Variants in ANK2 observed in about 807,000 individuals in gnomAD.
ANK2 encodes ankyrin-2.
A neutral mutation model predicts 360.5 loss-of-function variants in ANK2; 83 were observed. The ratio of observed to expected loss-of-function variants is 0.23; its 90% CI spans 0.19 to 0.28. ANK2 has a LOEUF of 0.28. Among genes scored for constraint, ANK2 ranks in the 10% least tolerant of loss-of-function variants. The probability of loss-of-function intolerance (pLI) is 1.00; values close to 1 mark genes in which losing one functional copy is unlikely to be tolerated. For missense variants in ANK2, 4,201 were observed against 4,795.7 expected (o/e 0.88, Z 3.66); for synonymous variants, 1,740 against 1,759.5 (o/e 0.99, Z 0.28).
rs1261091945 is a variant in ANK2 at position 113,335,883 on chromosome 4, C to A, written c.3417C>A (p.Ile1139=). 1 of 1,614,196 alleles carries A rather than the reference C, an allele frequency of 6.2e-7. No individual in the cohort carries two copies. Among genetic ancestry groups the A allele is most frequent in the Non-Finnish European group, 8.5e-7 (1 of 1,180,026 alleles). Residue 1139 remains isoleucine (I), a synonymous_variant, in exon 30 of 46, where the codon ATC becomes ATA. Coordinates refer to ENST00000357077, the MANE Select transcript of ANK2 (RefSeq NM_001148.6). ...CAGAAGACCTAGAAAAGAAACGAAT[C>A]TGCCGCATCATCACCCGAGACTTCC... The part of the protein sequence containing the change: ...DSPEDLEKKR[I]CRIITRDFPQ...
At chr4:112,781,521 C>T in the ANK2 span, among the ~76,000 whole-genome samples, 1 of 152,042 alleles carries the variant, frequency 6.6e-6, no homozygotes, top group African/African-American at 2.4e-5. Context: ...CAGAAATAAG[C>T]TCATATTCTT....
chr4:113,203,833 T>C (rs2098896974), intron 4 of ANK2, among the ~76,000 whole-genome samples: 1 of 152,222 alleles, frequency 6.6e-6, no homozygotes, highest in South Asian at 2.1e-4. Flanking sequence ...GTAACAGTTC[T>C]ACCTTCTCTA....
chr4:113,085,310 C>T (rs1177301204), intron 1 of ANK2, among the ~76,000 whole-genome samples: 2 of 151,688 alleles, frequency 1.3e-5, no homozygotes, highest in African/African-American at 4.8e-5. Flanking sequence ...AAGACTTTTT[C>T]TTTTCTTTTT....
chr4:112,967,562 C>T (rs1353900960), intron 2 of ANK2, among the ~76,000 whole-genome samples: 4 of 152,072 alleles, frequency 2.6e-5, no homozygotes, highest in Non-Finnish European at 5.9e-5. Context: ...AAAAGGGTTA[C>T]TGAAATGATG....
At chr4:112,984,414 GA>G (rs2044165181) in intron 2 of ANK2, among the ~76,000 whole-genome samples, 1 of 152,212 alleles carries the variant, frequency 6.6e-6, no homozygotes, top group African/African-American at 2.4e-5. Context: ...CAAAGAGAGA[GA>G]GCTTGTGCAG....
At position 113,090,824 on chromosome 4, in the gene ANK2, A is replaced by T. The variant is rs77815020; in HGVS notation, c.84+41012A>T. 2.0e-5 allele frequency among the ~76,000 whole-genome samples: 3 copies of T among 152,218 alleles called. No homozygotes were observed. The East Asian group carries it at 5.8e-4, about 29-fold the overall frequency. The stretch of plus-strand genomic sequence containing the variant: ...GAATAGAAGTTACCCTCGTTAGACG[A>T]GGCACATGCAACCTGGTTACCATTA... On this transcript the variant is annotated intron_variant, in intron 1 of 45. Coordinates refer to ENST00000357077, the MANE Select transcript of ANK2 (RefSeq NM_001148.6).
intron 1 of ANK2, among the ~76,000 whole-genome samples, chr4:112,888,907 C>G (rs1007433803): frequency 6.6e-6 from 1 of 152,074 alleles, no homozygotes; most frequent in South Asian, 2.1e-4. Flanking sequence ...AATGCTGACC[C>G]GAGTACACAG....
upstream of ANK2, among the ~76,000 whole-genome samples, chr4:112,816,997 C>A (rs2055707155): frequency 6.6e-6 from 1 of 152,112 alleles, no homozygotes; most frequent in African/African-American, 2.4e-5. Flanking sequence ...GGGGACAGAG[C>A]AAGACGGTGT....
upstream of ANK2, among the ~76,000 whole-genome samples, chr4:113,045,262 A>G (rs185708299): frequency 4.3e-3 from 652 of 152,340 alleles, 15 homozygotes; most frequent in East Asian, 1.2e-3. Context: ...CCTATAAAAT[A>G]TGCTTAACAA....
At chr4:113,228,135 C>T (rs1219867884) in intron 4 of ANK2, among the ~76,000 whole-genome samples, 2 of 152,168 alleles carry the variant, frequency 1.3e-5, no homozygotes, top group African/African-American at 4.8e-5. Flanking sequence ...TCTATCATTA[C>T]TCTTCTCCCC....
chr4:112,766,115 C>T, the ANK2 span, among the ~76,000 whole-genome samples: 11 of 152,020 alleles, frequency 7.2e-5, no homozygotes, highest in African/African-American at 1.2e-4. Context: ...TGGGCAGATC[C>T]GAGGTCAGGA....
intron 4 of ANK2, among the ~76,000 whole-genome samples, chr4:113,213,461 T>C (rs1350208907): frequency 2.0e-5 from 3 of 152,194 alleles, no homozygotes; most frequent in South Asian, 2.1e-4. Context: ...GCAAATACTA[T>C]GTGGGCAGCT....
At chr4:113,209,186 A>G (rs2098990916) in intron 4 of ANK2, among the ~76,000 whole-genome samples, 1 of 152,002 alleles carries the variant, frequency 6.6e-6, no homozygotes, top group African/African-American at 2.4e-5. Flanking sequence ...AAAACAAGTT[A>G]TGGGAGGGGG....
rs1583185341 is a variant in ANK2, at chr4:113,152,723, A to G, written c.85-21693A>G. Among the ~76,000 whole-genome samples, 3 of 152,124 alleles carry G rather than the reference A, an allele frequency of 2.0e-5. No individual in the cohort carries two copies. In the East Asian group the frequency reaches 5.8e-4, roughly 29 times the overall value. The stretch of plus-strand genomic sequence containing the variant: ...GGAGTTTGAGATCAACCTGGGCAAC[A>G]CAGGGAGATTCTGTCTCTATATTAA... On this transcript the variant is annotated intron_variant, in intron 1 of 45. Transcript: ENST00000357077.
chr4:112,767,431 T>G, the ANK2 span, among the ~76,000 whole-genome samples: 7 of 152,070 alleles, frequency 4.6e-5, no homozygotes, highest in South Asian at 1.5e-3. Context: ...TGTGGTGGCA[T>G]GTGTCTGTAG....
chr4:113,143,160 C>T (rs2096702341), intron 1 of ANK2, among the ~76,000 whole-genome samples: 1 of 152,032 alleles, frequency 6.6e-6, no homozygotes, highest in Non-Finnish European at 1.5e-5. Flanking sequence ...TCAGAGAAAA[C>T]AGGTATATCT....
intron 2 of ANK2, among the ~76,000 whole-genome samples, chr4:112,966,544 G>A (rs1037431987): frequency 5.3e-5 from 8 of 151,904 alleles, no homozygotes; most frequent in African/African-American, 1.9e-4. Context: ...TATAATAAGA[G>A]TTTCTTCACG....
intron 1 of ANK2, among the ~76,000 whole-genome samples, chr4:112,862,916 C>T (rs529502949): frequency 2.9e-4 from 44 of 152,004 alleles, no homozygotes; most frequent in African/African-American, 1.0e-3. Flanking sequence ...GCCATTTATT[C>T]TAGAGGATTC....
intron 1 of ANK2, among the ~76,000 whole-genome samples, chr4:112,879,006 A>C (rs1036769373): frequency 6.6e-6 from 1 of 152,182 alleles, no homozygotes; most frequent in Non-Finnish European, 1.5e-5. Context: ...TTTCTAACCA[A>C]TGTAAGGAGC....
Sources: allele counts gnomAD v4.1 joint callset (sites outside exome capture counted in the v4.1 genomes callset), GRCh38; gene constraint gnomAD v4.1.1; transcripts MANE v1.5; gene names NCBI Gene and HGNC (gene_info 2026-07-23, HGNC 2026-07-21).